HYDIN: variants seen among roughly 807,000 people sequenced by gnomAD.
The protein encoded by HYDIN is HYDIN axonemal central pair apparatus protein, also known as axonemal central pair apparatus protein HYDIN.
In HYDIN, 132 loss-of-function variants were observed where a neutral mutation model predicts 403.9. The ratio of observed to expected loss-of-function variants is 0.33; its 90% confidence interval spans 0.28 to 0.38. The LOEUF (loss-of-function observed/expected upper bound fraction) is 0.38. Ranked by LOEUF, HYDIN falls within the 10% of genes least tolerant of loss-of-function variation. HYDIN has a pLI of 1.00. For synonymous variants in HYDIN, 1,202 were observed against 1,891.7 expected, an observed-to-expected ratio of 0.64 and a Z score of 9.46; for missense variants, 2,827 against 5,009.5, an observed-to-expected ratio of 0.56 and a Z score of 13.15.
At chr16:70,854,949 C>T (rs1230460486) in intron 73 of HYDIN, among the ~76,000 whole-genome samples, 179 bp downstream of exon 73, 3 of 150,354 alleles carry the variant, frequency 2.0e-5, no homozygotes, top group Middle Eastern at 6.4e-3. Flanking sequence ...ATTCTCAATG[C>T]TCCATATTCA....
intron 18 of HYDIN, among the ~76,000 whole-genome samples, chr16:71,042,589 TA>T (rs1387305866): frequency 6.6e-6 from 1 of 152,092 alleles, no homozygotes; most frequent in Non-Finnish European, 1.5e-5. Flanking sequence ...AGCTGAGCTA[TA>T]AAAAAATGGT....
intron 18 of HYDIN, among the ~76,000 whole-genome samples, chr16:71,049,455 G>A (rs1331363853): frequency 2.0e-5 from 3 of 152,138 alleles, no homozygotes; most frequent in Non-Finnish European, 4.4e-5. Context: ...CATGGGAGGA[G>A]AAGCCCAAAT....
chr16:70,858,861 T>G (rs966857546), intron 71 of HYDIN, among the ~76,000 whole-genome samples: 1 of 151,738 alleles, frequency 6.6e-6, no homozygotes, highest in Admixed American at 6.6e-5. Flanking sequence ...CCTTGTCACA[T>G]TTAACTAGAT....
chr16:71,225,071 A>C (rs1187111923), intron 1 of HYDIN, among the ~76,000 whole-genome samples: 1 of 152,190 alleles, frequency 6.6e-6, no homozygotes, highest in East Asian at 1.9e-4. Context: ...AAAATCTGGC[A>C]AGACGAACAG....
rs758058834 is a variant in HYDIN at position 70,863,106 on chromosome 16, A to G, written c.11548T>C (p.Phe3850Leu). The change falls in exon 68 of 86, where the codon TTT becomes CTT. Residue 3850 changes from phenylalanine (F) to leucine (L), a missense_variant. By Grantham distance (22) the Phe-to-Leu change is conservative. Transcript: ENST00000393567. Reference sequence around the variant, plus strand: ...TTACCTTGGTGATCTGGTTTTGCAAAGCTGACTGCCTTTGAGGTATCTTCT... The same window carrying G: ...TTACCTTGGTGATCTGGTTTTGCAAGGCTGACTGCCTTTGAGGTATCTTCT... ...VSEDTSKAVS[F>L]AKPDHQGSAQ... 1.7e-5 allele frequency: 28 copies of G among 1,613,966 alleles called. No homozygotes were observed. The highest frequency in any genetic ancestry group is 2.7e-5 in the African/African-American group (2 of 74,946).
At chr16:70,961,580 G>A (rs2078421001) in intron 38 of HYDIN, among the ~76,000 whole-genome samples, 1 of 152,200 alleles carries the variant, frequency 6.6e-6, no homozygotes, top group African/African-American at 2.4e-5. Flanking sequence ...AATGCTGGGA[G>A]GTCAAGAGAA....
intron 30 of HYDIN, among the ~76,000 whole-genome samples, chr16:70,976,640 A>AC (rs1336036164): frequency 6.9e-6 from 1 of 144,340 alleles, no homozygotes; most frequent in African/African-American, 2.7e-5. Context: ...TGCTGGGAAA[A>AC]CCCTTTTTTT....
chr16:70,838,292 G>C (rs1019178216), intron 76 of HYDIN, among the ~76,000 whole-genome samples: 2 of 151,968 alleles, frequency 1.3e-5, no homozygotes, highest in Non-Finnish European at 2.9e-5. Context: ...CCAGGTTCAA[G>C]CGATTCTCTT....
At position 71,129,985 on chromosome 16, in the gene HYDIN, T is replaced by C. The variant is rs555180589; in HGVS notation, c.1044-162A>G. Reference sequence around the variant, plus strand: ...AACCTGCTGCCCTTGCACTCAGTCCTCAAACCTCTCAGAGCCTCTGTTTGC... The same window carrying C: ...AACCTGCTGCCCTTGCACTCAGTCCCCAAACCTCTCAGAGCCTCTGTTTGC... On this transcript the variant is annotated intron_variant, in intron 8 of 85. Coordinates refer to ENST00000393567, the MANE Select transcript of HYDIN (RefSeq NM_001270974.2). Among the ~76,000 whole-genome samples the C allele has an allele frequency of 7.9e-5, 12 of 152,268 alleles. No homozygotes were observed. In the South Asian group the frequency reaches 1.0e-3, roughly 13 times the overall value.
At chr16:71,217,437 G>A (rs2088945939) in intron 1 of HYDIN, among the ~76,000 whole-genome samples, 2 of 152,066 alleles carry the variant, frequency 1.3e-5, no homozygotes, top group Non-Finnish European at 2.9e-5. Context: ...TAATTACTTT[G>A]CCCAAGTAGA....
chr16:71,226,637 C>T (rs2041045533), intron 1 of HYDIN, among the ~76,000 whole-genome samples: 1 of 152,200 alleles, frequency 6.6e-6, no homozygotes, highest in Admixed American at 6.5e-5. Flanking sequence ...AGCCCAATTT[C>T]CTCACAGAAC....
intron 6 of HYDIN, chr16:71,153,041 G>C (rs1251371793): frequency 2.6e-6 from 1 of 382,158 alleles, no homozygotes; most frequent in East Asian, 5.4e-5. Flanking sequence ...TTGCCATTCA[G>C]CCCTGCTTTT....
chr16:71,062,134 C>G, intron 17 of HYDIN, 35 bp downstream of exon 17: 1 of 1,018,366 alleles, frequency 9.8e-7, no homozygotes, highest in Non-Finnish European at 1.5e-6. Context: ...AGAAGCACAG[C>G]AATTTCAATT....
At chr16:71,175,107 CA>C (rs575893731) in intron 5 of HYDIN, among the ~76,000 whole-genome samples, 58 of 150,258 alleles carry the variant, frequency 3.9e-4, no homozygotes, top group South Asian at 2.1e-3. Context: ...CACCACCCAC[CA>C]ACTCTACAAA....
intron 4 of HYDIN, among the ~76,000 whole-genome samples, chr16:71,178,099 A>C (rs1216075509): frequency 3.3e-5 from 5 of 152,206 alleles, no homozygotes; most frequent in Non-Finnish European, 7.3e-5. Context: ...TACAATTTGC[A>C]GACTATAAAT....
chr16:70,832,533 T>C (rs1404483160), intron 80 of HYDIN, among the ~76,000 whole-genome samples: 1 of 151,920 alleles, frequency 6.6e-6, no homozygotes, highest in African/African-American at 2.4e-5. Context: ...CAGACGGATA[T>C]ACCAAGGCCA....
intron 8 of HYDIN, chr16:71,133,348 T>C (rs1395063311): frequency 1.1e-4 from 48 of 448,438 alleles, no homozygotes; most frequent in East Asian, 3.5e-4. Context: ...ATGTTACAAA[T>C]GAAGAACTAG....
At chr16:70,862,279 G>A in intron 68 of HYDIN, 24 bp from the exon 69 acceptor site, 1 of 1,533,210 alleles carries the variant, frequency 6.5e-7, no homozygotes, top group Non-Finnish European at 8.9e-7. Context: ...GGGAGTGGGT[G>A]ATATTCTGCA....
At position 70,857,629 on chromosome 16, in the gene HYDIN, A is replaced by G; in HGVS notation, c.12295+76T>C. On this transcript the variant is annotated intron_variant, in intron 72 of 85. Transcript: ENST00000393567. ...GGGACCAGGAGAGGTTTCTTATGCA[A>G]GGCTGCTCCCAGAGCTCTTGATGAC... 3.5e-6 allele frequency: 4 copies of G among 1,157,666 alleles called. No individual in the cohort carries two copies. The East Asian group carries it at 1.0e-4, about 30-fold the overall frequency. The allele number at this position is 1,157,666 out of a possible 1,614,324, so 71.7% of individuals were successfully genotyped here.
Sources: gnomAD v4.1 joint callset for allele counts (sites outside exome capture counted in the v4.1 genomes callset) on GRCh38, gnomAD v4.1.1 for gene constraint, MANE v1.5 for transcripts, NCBI Gene and HGNC (gene_info 2026-07-23, HGNC 2026-07-21) for gene names.